TMEM235: variants seen among roughly 807,000 people sequenced by gnomAD.
The protein encoded by TMEM235 is transmembrane protein 235, also known as claudin-27.
Under a neutral mutation model 22.9 loss-of-function variants are expected in TMEM235, and 23 were observed. That is an observed-to-expected ratio of 1.00 (90% CI 0.72 to 1.42). TMEM235 has a LOEUF of 1.42. Ranked by LOEUF, TMEM235 falls within the 40% of genes most tolerant of loss-of-function variation. The probability of loss-of-function intolerance (pLI) is 0.00; values close to 1 mark genes in which losing one functional copy is unlikely to be tolerated. For missense variants in TMEM235, 308 were observed against 299.5 expected, an observed-to-expected ratio of 1.03 and a Z score of -0.21; for synonymous variants, 137 against 140.5, an observed-to-expected ratio of 0.98 and a Z score of 0.17.
At position 78,238,089 on chromosome 17, in the gene TMEM235, C is replaced by A. The variant is rs1177887730; in HGVS notation, c.410-935C>A. On this transcript the variant is annotated intron_variant, in intron 4 of 5. Transcript: ENST00000421688. This position sits in a 1 kb window ranked among gnomAD's most constrained non-coding sequence, Gnocchi z 4.3. ...CTGCCCCCCTGGCTAACATTCCCTA[C>A]AGTCGGCGCCAAGGACAGGCTTTCT... Among the ~76,000 whole-genome samples the A allele has an allele frequency of 6.6e-6, 1 of 152,218 alleles. No homozygotes were observed.
Position 78,235,130 on chromosome 17 carries a change from G to A in TMEM235, c.409+400G>A, listed in dbSNP as rs1188735800. On this transcript the variant is annotated intron_variant, in intron 4 of 5. Transcript: ENST00000421688. The stretch of plus-strand genomic sequence containing the variant: ...ATTAGCTGGGCTTATAAAGAAAAGA[G>A]GTTTAATTGGCTCATGGTTCTGCAT... 2.6e-5 allele frequency among the ~76,000 whole-genome samples: 4 copies of A among 152,248 alleles called. No individual in the cohort carries two copies. The East Asian group carries it at 5.8e-4, about 22-fold the overall frequency.
In TMEM235 at chr17:78,231,701, T is replaced by C. The variant is rs867971901; in HGVS notation, c.-323T>C. 41 of 1,275,924 alleles carry C rather than the reference T, an allele frequency of 3.2e-5. 1 individual carries two copies. The African/African-American group carries it at 3.9e-4, about 12-fold the overall frequency. The allele number at this position is 1,275,924 out of a possible 1,614,324, so 79.0% of individuals were successfully genotyped here. Reference sequence around the variant, plus strand: ...TGAGGAGCCGGGGGTTCAGGGAAATTAAGGAACGTGCCCAGGGACCCGGGG... The same window carrying C: ...TGAGGAGCCGGGGGTTCAGGGAAATCAAGGAACGTGCCCAGGGACCCGGGG... On this transcript the variant is annotated 5_prime_UTR_variant, in exon 2 of 6. Transcript: ENST00000421688.
At position 78,238,928 on chromosome 17, in the gene TMEM235, G is replaced by A. The variant is rs1294057357; in HGVS notation, c.410-96G>A. Reference sequence around the variant, plus strand: ...CCTGCAGCTCTGCCTGAATGCTAGCGGGGCCGGGGATGCTGAGGCCATGTC... The same window carrying A: ...CCTGCAGCTCTGCCTGAATGCTAGCAGGGCCGGGGATGCTGAGGCCATGTC... On this transcript the variant is annotated intron_variant, in intron 4 of 5. Transcript: ENST00000421688. This position sits in a 1 kb window ranked among gnomAD's most constrained non-coding sequence, Gnocchi z 4.3. The A allele has an allele frequency of 1.7e-5, 25 of 1,455,238 alleles. No individual in the cohort carries two copies. The highest frequency in any genetic ancestry group is 2.8e-5 in the South Asian group (2 of 72,592). The allele number at this position is 1,455,238 out of a possible 1,614,324, so 90.1% of individuals were successfully genotyped here. A position where few individuals can be genotyped will look rare whatever the true frequency, so the allele number is the denominator to read the frequency against.
At chr17:78,239,692 C>A in intron 5 of TMEM235, 88 bp from the exon 5 acceptor site, 1 of 1,466,014 alleles carries the variant, frequency 6.8e-7, no homozygotes, top group Non-Finnish European at 9.1e-7. Flanking sequence ...AAAGTAGGTG[C>A]CTGTTAAATG....
chr17:78,233,862 C>T (rs1206060700), intron 2 of TMEM235, 33 bp from the exon 2 acceptor site: 1 of 1,533,018 alleles, frequency 6.5e-7, no homozygotes, highest in Non-Finnish European at 8.7e-7. Context: ...CCACAGCGTC[C>T]AGGCCCCAGG....
exon 2 of TMEM235, chr17:78,231,459 A>G: frequency 7.7e-7 from 1 of 1,302,758 alleles, no homozygotes; most frequent in Non-Finnish European, 1.0e-6. Context: ...GGGCCCAGCC[A>G]CTGCACTTCA....
intron 4 of TMEM235, among the ~76,000 whole-genome samples, chr17:78,235,290 C>CTT (rs369121426): frequency 3.2e-4 from 46 of 144,076 alleles, no homozygotes; most frequent in African/African-American, 9.9e-4. Context: ...GTGTTACACA[C>CTT]TTTTTTTTTT....
intron 3 of TMEM235, 169 bp downstream of exon 2, chr17:78,234,144 G>T: frequency 1.4e-6 from 1 of 709,644 alleles, no homozygotes; most frequent in Non-Finnish European, 2.5e-6. Context: ...CCTAACCACA[G>T]GTGCCCAGCT....
At chr17:78,232,699 AGGCTGG>A (rs1448417301) in intron 2 of TMEM235, among the ~76,000 whole-genome samples, 1 of 150,936 alleles carries the variant, frequency 6.6e-6, no homozygotes, top group East Asian at 1.9e-4. Flanking sequence ...GGATCCCAGC[AGGCTGG>A]AGGGTCCACA....
In TMEM235 at chr17:78,239,680, G is replaced by A. The variant is rs994521485; in HGVS notation, c.660-100G>A. On this transcript the variant is annotated intron_variant, in intron 5 of 5. Coordinates refer to ENST00000421688, the Ensembl canonical transcript of TMEM235. ...TGCCCCCATTCCTAAGGACCTGGGA[G>A]AAAAGTAGGTGCCTGTTAAATGCCG... is the stretch of plus-strand genomic sequence containing the variant. 1.3e-5 allele frequency: 19 copies of A among 1,461,526 alleles called. No homozygotes were observed. In the African/African-American group the frequency reaches 2.6e-4, roughly 20 times the overall value. 90.5% of individuals were successfully genotyped at this position (1,461,526 alleles called of 1,614,324 possible).
intron 4 of TMEM235, 94 bp downstream of exon 3, chr17:78,234,824 C>T (rs2145918874): frequency 6.8e-7 from 1 of 1,480,524 alleles, no homozygotes; most frequent in Admixed American, 2.0e-5. Flanking sequence ...GCCCTCGTCC[C>T]CTGCTCCCTT....
At position 78,237,305 on chromosome 17, in the gene TMEM235, G is replaced by A. The variant is rs1376145391; in HGVS notation, c.410-1719G>A. On this transcript the variant is annotated intron_variant, in intron 4 of 5. Coordinates refer to ENST00000421688, the Ensembl canonical transcript of TMEM235. The surrounding 1 kb of genome is among the most constrained non-coding windows in gnomAD (Gnocchi z 4.7). The stretch of plus-strand genomic sequence containing the variant: ...GGAGATAGAGGGCCCCAGATCGATT[G>A]GGTGCCCTTCCCTGAGACAGGATCT... Among the ~76,000 whole-genome samples, 2 of 152,120 alleles carry A rather than the reference G, an allele frequency of 1.3e-5. No individual in the cohort carries two copies. The highest frequency in any genetic ancestry group is 2.9e-5 in the Non-Finnish European group (2 of 67,992).
At chr17:78,234,649 G>A (rs985580307) in exon 4 of TMEM235, 11 of 1,536,160 alleles carry the variant, frequency 7.2e-6, no homozygotes, top group Non-Finnish European at 9.6e-6. Context: ...TCTCGTGTGT[G>A]GCTGGATCTG....
Position 78,238,928 on chromosome 17 carries a change from G to C in TMEM235, c.410-96G>C, listed in dbSNP as rs1294057357. The C allele has an allele frequency of 4.8e-6, 7 of 1,455,356 alleles. No homozygotes were observed. The highest frequency in any genetic ancestry group is 2.8e-5 in the South Asian group (2 of 72,588). The allele number at this position is 1,455,356 out of a possible 1,614,324, so 90.2% of individuals were successfully genotyped here. On this transcript the variant is annotated intron_variant, in intron 4 of 5. Coordinates refer to ENST00000421688, the Ensembl canonical transcript of TMEM235. This position sits in a 1 kb window ranked among gnomAD's most constrained non-coding sequence, Gnocchi z 4.3. ...CCTGCAGCTCTGCCTGAATGCTAGC[G>C]GGGCCGGGGATGCTGAGGCCATGTC...
In TMEM235 at chr17:78,237,437, C is replaced by G. The variant is rs562540354; in HGVS notation, c.410-1587C>G. Among the ~76,000 whole-genome samples, 1 of 152,242 alleles carries G rather than the reference C, an allele frequency of 6.6e-6. No homozygotes were observed. The highest frequency in any genetic ancestry group is 2.1e-4 in the South Asian group (1 of 4,820). On this transcript the variant is annotated intron_variant, in intron 4 of 5. Coordinates refer to ENST00000421688, the Ensembl canonical transcript of TMEM235. The surrounding 1 kb of genome is among the most constrained non-coding windows in gnomAD (Gnocchi z 4.7). ...CAGAGGCCTCCTTTAGGAGGTCTGC[C>G]AGGAGCTGAGCCTGGGCCCCATCAC...
chr17:78,231,379 G>C, intron 1 of TMEM235: 1 of 1,251,378 alleles, frequency 8.0e-7, no homozygotes, highest in African/African-American at 1.5e-5. Context: ...CCTTGCTGGA[G>C]GGGGCATTTG....
rs767904997 is a variant in TMEM235, at chr17:78,238,795, T to C, written c.410-229T>C. On this transcript the variant is annotated intron_variant, in intron 4 of 5. Coordinates refer to ENST00000421688, the Ensembl canonical transcript of TMEM235. This position sits in a 1 kb window ranked among gnomAD's most constrained non-coding sequence, Gnocchi z 4.3. Reference sequence around the variant, plus strand: ...TAAAGCTCCACTCCGCCAAATGCAGTTGACTACCTTTAGCCCTGTCCAACC... The same window carrying C: ...TAAAGCTCCACTCCGCCAAATGCAGCTGACTACCTTTAGCCCTGTCCAACC... Among the ~76,000 whole-genome samples the C allele has an allele frequency of 6.6e-6, 1 of 151,986 alleles. No individual in the cohort carries two copies. The highest frequency in any genetic ancestry group is 1.5e-5 in the Non-Finnish European group (1 of 68,004).
At chr17:78,239,099 A>G in exon 5 of TMEM235, 1 of 1,544,302 alleles carries the variant, frequency 6.5e-7, no homozygotes, top group Non-Finnish European at 8.7e-7. Context: ...GTGCAGCAGT[A>G]TGGCCCGCAG....
Position 78,231,766 on chromosome 17 carries a change from G to T in TMEM235, c.-258G>T. The stretch of plus-strand genomic sequence containing the variant: ...CGCTGGGATTGGAGCCCAAGCCCCA[G>T]GTTCGCCGCGCGGCTCTCGACTTCC... On this transcript the variant is annotated 5_prime_UTR_variant, in exon 2 of 6. In the 5' UTR this introduces an upstream ATG that the reference lacks. Coordinates refer to ENST00000421688, the Ensembl canonical transcript of TMEM235. The T allele has an allele frequency of 8.2e-7, 1 of 1,223,818 alleles. No homozygotes were observed. Among genetic ancestry groups the T allele is most frequent in the Non-Finnish European group, 1.1e-6 (1 of 949,870 alleles). The allele number at this position is 1,223,818 out of a possible 1,614,324, so 75.8% of individuals were successfully genotyped here. A position where few individuals can be genotyped will look rare whatever the true frequency, so the allele number is the denominator to read the frequency against.
Sources: allele counts gnomAD v4.1 joint callset (sites outside exome capture counted in the v4.1 genomes callset), GRCh38; gene constraint gnomAD v4.1.1; non-coding constraint Gnocchi (gnomAD v3.1); transcripts MANE v1.5; gene names NCBI Gene and HGNC (gene_info 2026-07-23, HGNC 2026-07-21).